The following PPM1E variants were observed in gnomAD, a reference collection of about 807,000 sequenced individuals.
PPM1E encodes protein phosphatase, Mg2+/Mn2+ dependent 1E.
In PPM1E, 20 loss-of-function variants were observed where a neutral mutation model predicts 65.9. The ratio of observed to expected loss-of-function variants is 0.30; its 90% CI spans 0.21 to 0.44. The LOEUF (loss-of-function observed/expected upper bound fraction) is 0.44, where lower values mean the gene tolerates loss of function less well. PPM1E is among the 20% of genes least tolerant of loss of function. The pLI is 1.00. For synonymous variants in PPM1E, 352 were observed against 374.9 expected, an observed-to-expected ratio of 0.94 and a Z score of 0.70; for missense variants, 713 against 953.1, an observed-to-expected ratio of 0.75 and a Z score of 3.32.
chr17:58,952,630 AT>A (rs2052255215), intron 1 of PPM1E, among the ~76,000 whole-genome samples: 1 of 152,154 alleles, frequency 6.6e-6, no homozygotes, highest in African/African-American at 2.4e-5. Flanking sequence ...CCAGGGGGAT[AT>A]CTGCCAAGGG....
chr17:58,973,171 A>G (rs1290961458), intron 6 of PPM1E, among the ~76,000 whole-genome samples: 2 of 152,148 alleles, frequency 1.3e-5, no homozygotes, highest in Non-Finnish European at 2.9e-5. Flanking sequence ...TAATCCCAAC[A>G]CTTTGGGAGG....
intron 1 of PPM1E, among the ~76,000 whole-genome samples, chr17:58,952,682 T>A (rs1462808772): frequency 6.6e-6 from 1 of 152,108 alleles, no homozygotes; most frequent in Non-Finnish European, 1.5e-5. Flanking sequence ...TGTTTTCTTT[T>A]TGTTTGTTTG....
At chr17:58,864,210 A>G (rs979116390) in intron 1 of PPM1E, among the ~76,000 whole-genome samples, 1 of 152,124 alleles carries the variant, frequency 6.6e-6, no homozygotes, top group African/African-American at 2.4e-5. Context: ...CTCTGACAGC[A>G]TATCTGCTGC....
At chr17:58,912,349 C>T (rs552182300) in intron 1 of PPM1E, among the ~76,000 whole-genome samples, 1 of 152,286 alleles carries the variant, frequency 6.6e-6, no homozygotes, top group East Asian at 1.9e-4. Context: ...AGAAAATCCT[C>T]TCTAATGTTA....
chr17:58,931,257 A>G (rs951020520), intron 1 of PPM1E, among the ~76,000 whole-genome samples: 6 of 151,986 alleles, frequency 3.9e-5, no homozygotes, highest in Non-Finnish European at 2.9e-5. Flanking sequence ...ATGGTGGTGC[A>G]TGCCTGTAAT....
At chr17:58,896,410 C>G (rs996408251) in intron 1 of PPM1E, among the ~76,000 whole-genome samples, 1 of 151,866 alleles carries the variant, frequency 6.6e-6, no homozygotes, top group African/African-American at 2.4e-5. Context: ...TATGGTAAAA[C>G]CCCGTCTCTA....
chr17:58,801,689 C>T (rs943996820), intron 1 of PPM1E, among the ~76,000 whole-genome samples: 30 of 152,032 alleles, frequency 2.0e-4, no homozygotes, highest in African/African-American at 6.8e-4. Flanking sequence ...GATCTGTCTG[C>T]CTCAACCTCC....
chr17:58,955,343 C>T (rs1046320412), intron 1 of PPM1E, among the ~76,000 whole-genome samples: 4 of 152,056 alleles, frequency 2.6e-5, no homozygotes, highest in Non-Finnish European at 4.4e-5. Context: ...CCAGCCTGGG[C>T]GACAGAGCAA....
intron 6 of PPM1E, among the ~76,000 whole-genome samples, chr17:58,978,660 G>A (rs1202405525): frequency 2.0e-5 from 3 of 152,064 alleles, no homozygotes; most frequent in Non-Finnish European, 4.4e-5. Flanking sequence ...GCAGTGACCC[G>A]AGATTGTGCC....
intron 1 of PPM1E, among the ~76,000 whole-genome samples, chr17:58,810,115 T>G (rs2050351456): frequency 1.3e-5 from 2 of 152,242 alleles, no homozygotes; most frequent in Admixed American, 6.5e-5. Flanking sequence ...ACATTTCAGG[T>G]GCTTAGTAGC....
In PPM1E at chr17:58,985,023, T is replaced by C. The variant is rs889603925; in HGVS notation, c.*3992T>C. On this transcript the variant is annotated 3_prime_UTR_variant, in exon 7 of 7. Transcript: ENST00000308249. ...ATGAAGTGAATAATTTCTTACCAAATAAATTTATCAATTTACAAATCTGCT... is the reference window on the plus strand; with the variant it reads ...ATGAAGTGAATAATTTCTTACCAAACAAATTTATCAATTTACAAATCTGCT... 1 of 152,666 alleles carries C rather than the reference T, an allele frequency of 6.6e-6. No homozygotes were observed. The highest frequency in any genetic ancestry group is 2.4e-5 in the African/African-American group (1 of 41,458). The allele number at this position is 152,666 out of a possible 1,614,324, so 9.5% of individuals were successfully genotyped here.
chr17:58,934,535 C>T (rs1222076532), intron 1 of PPM1E, among the ~76,000 whole-genome samples: 1 of 152,138 alleles, frequency 6.6e-6, no homozygotes, highest in Non-Finnish European at 1.5e-5. Flanking sequence ...GTATTGAGCA[C>T]TGTGTGCCAG....
At chr17:58,917,555 A>G (rs2051698559) in intron 1 of PPM1E, among the ~76,000 whole-genome samples, 1 of 152,238 alleles carries the variant, frequency 6.6e-6, no homozygotes, top group South Asian at 2.1e-4. Flanking sequence ...GCTCTCTGCA[A>G]TCAAATTCAC....
At chr17:58,977,909 A>C (rs1350671154) in intron 6 of PPM1E, among the ~76,000 whole-genome samples, 1 of 152,018 alleles carries the variant, frequency 6.6e-6, no homozygotes, top group Non-Finnish European at 1.5e-5. Context: ...GGCCCGGCTA[A>C]TTTTTGTATT....
At chr17:58,839,335 T>G (rs963300360) in intron 1 of PPM1E, among the ~76,000 whole-genome samples, 1 of 151,698 alleles carries the variant, frequency 6.6e-6, no homozygotes, top group Non-Finnish European at 1.5e-5. Flanking sequence ...AAAAAAAAAT[T>G]TTTTTAAGGA....
intron 1 of PPM1E, among the ~76,000 whole-genome samples, chr17:58,941,711 A>T (rs954442943): frequency 1.1e-4 from 16 of 147,976 alleles, no homozygotes; most frequent in Non-Finnish European, 2.2e-4. Flanking sequence ...AAAAAAAAAA[A>T]TGCTGGTCAT....
intron 1 of PPM1E, among the ~76,000 whole-genome samples, chr17:58,761,116 C>T (rs945194718): frequency 1.3e-5 from 2 of 152,136 alleles, no homozygotes; most frequent in African/African-American, 4.8e-5. Context: ...ATATTCCCTA[C>T]GCTGGATTCA....
intron 2 of PPM1E, among the ~76,000 whole-genome samples, chr17:58,956,734 T>C (rs34523895): frequency 0.56 from 85,501 of 151,960 alleles, 24,352 homozygotes; most frequent in Non-Finnish European, 0.61. Context: ...TTATAAAAAT[T>C]AGAGAATTAC....
chr17:58,847,040 A>C (rs1817121527), intron 1 of PPM1E, among the ~76,000 whole-genome samples: 1 of 152,036 alleles, frequency 6.6e-6, no homozygotes, highest in African/African-American at 2.4e-5. Context: ...GCATTTTTTC[A>C]TGTGTCTTTT....
Sources: allele counts gnomAD v4.1 joint callset (sites outside exome capture counted in the v4.1 genomes callset), GRCh38; gene constraint gnomAD v4.1.1; transcripts MANE v1.5; gene names NCBI Gene and HGNC (gene_info 2026-07-23, HGNC 2026-07-21).